Variants in NELL1 observed in about 807,000 individuals in gnomAD.
The protein encoded by NELL1 is protein kinase C-binding protein NELL1.
Under a neutral mutation model 107.4 loss-of-function variants are expected in NELL1, and 76 were observed. That is an observed-to-expected ratio of 0.71 (90% CI 0.59 to 0.86). The LOEUF (loss-of-function observed/expected upper bound fraction) is 0.86. Ranked by LOEUF, NELL1 falls within the 40% of genes least tolerant of loss-of-function variation. The pLI is 0.00. For synonymous variants in NELL1, 353 were observed against 341.2 expected (o/e 1.03, Z -0.38); for missense variants, 1,024 against 1,005.5 (o/e 1.02, Z -0.25).
intron 4 of NELL1, among the ~76,000 whole-genome samples, chr11:20,875,512 C>G (rs1258765660): frequency 6.6e-6 from 1 of 152,178 alleles, no homozygotes. Context: ...GAGACCCTGT[C>G]TCTTTGCATG....
chr11:21,264,918 T>A (rs538016693), intron 14 of NELL1, among the ~76,000 whole-genome samples: 2 of 152,020 alleles, frequency 1.3e-5, no homozygotes, highest in South Asian at 4.2e-4. Context: ...AAAATAATAA[T>A]AAAACATATG....
At chr11:21,410,620 A>G (rs1419373986) in intron 15 of NELL1, among the ~76,000 whole-genome samples, 1 of 152,048 alleles carries the variant, frequency 6.6e-6, no homozygotes, top group Non-Finnish European at 1.5e-5. Flanking sequence ...ATTTCTGTTT[A>G]TGGTATCTTT....
At chr11:20,835,009 G>T (rs186273983) in intron 3 of NELL1, among the ~76,000 whole-genome samples, 238 of 152,286 alleles carry the variant, frequency 1.6e-3, no homozygotes, top group South Asian at 2.5e-3. Context: ...CCTCTGATCT[G>T]TTTGTGTACA....
intron 13 of NELL1, among the ~76,000 whole-genome samples, chr11:21,129,452 T>C (rs546539425): frequency 3.2e-4 from 49 of 152,320 alleles, no homozygotes; most frequent in African/African-American, 1.1e-3. Context: ...GAAGAGATAT[T>C]TGCACACTCA....
chr11:21,005,879 G>A (rs187636370), intron 12 of NELL1, among the ~76,000 whole-genome samples: 1 of 152,138 alleles, frequency 6.6e-6, no homozygotes, highest in Admixed American at 6.5e-5. Flanking sequence ...TCTGTCACTG[G>A]TATAGCAAAG....
At chr11:20,823,746 C>A (rs958728961) in intron 3 of NELL1, among the ~76,000 whole-genome samples, 2 of 150,996 alleles carry the variant, frequency 1.3e-5, no homozygotes, top group African/African-American at 4.8e-5. Context: ...ATACTGTATG[C>A]CCTCTCTCAA....
chr11:21,528,914 CT>C (rs1050753238), intron 15 of NELL1, among the ~76,000 whole-genome samples: 2 of 151,814 alleles, frequency 1.3e-5, no homozygotes, highest in African/African-American at 4.8e-5. Context: ...GGTTTTTTTC[CT>C]TGTTTGCTTG....
intron 4 of NELL1, among the ~76,000 whole-genome samples, chr11:20,849,139 T>C (rs1201292342): frequency 6.6e-6 from 1 of 152,188 alleles, no homozygotes; most frequent in Non-Finnish European, 1.5e-5. Flanking sequence ...CACTGTGACC[T>C]ACCACCCACA....
chr11:20,760,713 T>C (rs541812725), intron 2 of NELL1, among the ~76,000 whole-genome samples: 64 of 152,256 alleles, frequency 4.2e-4, no homozygotes, highest in African/African-American at 1.5e-3. Context: ...AAAATAAGAT[T>C]TCTTAGGATT....
intron 12 of NELL1, among the ~76,000 whole-genome samples, chr11:20,976,085 A>G (rs955811179): frequency 1.4e-5 from 2 of 147,808 alleles, no homozygotes; most frequent in Middle Eastern, 3.9e-3. Flanking sequence ...TATTATATAC[A>G]TTACATTTAT....
chr11:20,927,990 A>G (rs1161568011), intron 8 of NELL1, among the ~76,000 whole-genome samples: 2 of 152,232 alleles, frequency 1.3e-5, no homozygotes, highest in African/African-American at 4.8e-5. Flanking sequence ...GTCCAGTTGA[A>G]ATTACTTGAT....
intron 2 of NELL1, among the ~76,000 whole-genome samples, chr11:20,756,619 C>G (rs1025707540): frequency 6.7e-6 from 1 of 150,292 alleles, no homozygotes; most frequent in African/African-American, 2.5e-5. Context: ...CCTTGGCCTC[C>G]GAAAGTGCTG....
intron 17 of NELL1, among the ~76,000 whole-genome samples, chr11:21,567,168 A>G (rs1856991052): frequency 6.6e-6 from 1 of 151,834 alleles, no homozygotes; most frequent in Admixed American, 6.6e-5. Context: ...GAAGAGTGAT[A>G]GTGTGCCATT....
chr11:20,874,495 G>A (rs1849266025), intron 4 of NELL1, among the ~76,000 whole-genome samples: 1 of 152,176 alleles, frequency 6.6e-6, no homozygotes, highest in Non-Finnish European at 1.5e-5. Context: ...CTTCATCTCT[G>A]TGAACATCTG....
chr11:21,425,719 TAA>T (rs1418898056), intron 15 of NELL1, among the ~76,000 whole-genome samples: 1 of 152,184 alleles, frequency 6.6e-6, no homozygotes, highest in Non-Finnish European at 1.5e-5. Flanking sequence ...TGTGTTGTAT[TAA>T]GTTTGTAGTA....
At chr11:21,373,447 T>C (rs1267475989) in intron 15 of NELL1, among the ~76,000 whole-genome samples, 1 of 152,118 alleles carries the variant, frequency 6.6e-6, no homozygotes, top group African/African-American at 2.4e-5. Context: ...TTTCATTTGA[T>C]TTGTTTTAAT....
At chr11:21,558,805 A>C (rs1856782862) in intron 16 of NELL1, among the ~76,000 whole-genome samples, 1 of 152,062 alleles carries the variant, frequency 6.6e-6, no homozygotes, top group African/African-American at 2.4e-5. Context: ...TGGTCACCAG[A>C]CTCCCACATT....
chr11:21,336,666 T>TACAC (rs200642265), intron 14 of NELL1, among the ~76,000 whole-genome samples: 6 of 52,626 alleles, frequency 1.1e-4, no homozygotes, highest in East Asian at 7.2e-4. Flanking sequence ...TATATATATA[T>TACAC]ATATATATAC....
intron 14 of NELL1, among the ~76,000 whole-genome samples, chr11:21,368,353 TG>T (rs35508068): frequency 0.37 from 49,899 of 133,318 alleles, 8,697 homozygotes; most frequent in East Asian, 0.52. Flanking sequence ...ATTTAGGCAT[TG>T]GTTTTTTTTT....
Sources: allele counts gnomAD v4.1 joint callset (sites outside exome capture counted in the v4.1 genomes callset), GRCh38; gene constraint gnomAD v4.1.1; transcripts MANE v1.5; gene names NCBI Gene and HGNC (gene_info 2026-07-23, HGNC 2026-07-21).